TRPM3: variants seen among roughly 807,000 people sequenced by gnomAD.
TRPM3 encodes long transient receptor potential channel 3.
A neutral mutation model predicts 181.2 loss-of-function variants in TRPM3; 77 were observed. The observed-to-expected ratio is 0.42, with a 90% CI of 0.35 to 0.51. TRPM3 has a LOEUF of 0.51. Ranked by LOEUF, TRPM3 falls within the 20% of genes least tolerant of loss-of-function variation. TRPM3 has a pLI of 0.01. For missense variants in TRPM3, 1,759 were observed against 2,196.7 expected, an observed-to-expected ratio of 0.80 and a Z score of 3.98; for synonymous variants, 745 against 796.4, an observed-to-expected ratio of 0.94 and a Z score of 1.09.
intron 25 of TRPM3, among the ~76,000 whole-genome samples, chr9:70,543,064 G>A (rs1365353966): frequency 6.6e-6 from 1 of 152,034 alleles, no homozygotes; most frequent in Non-Finnish European, 1.5e-5. Flanking sequence ...TACGGTGGGA[G>A]GTGGATGAAG....
chr9:71,399,400 T>C (rs2131369246), intron 1 of TRPM3, among the ~76,000 whole-genome samples: 1 of 152,176 alleles, frequency 6.6e-6, no homozygotes, highest in African/African-American at 2.4e-5. Flanking sequence ...ACAGTGATTA[T>C]AGCTAAGTTA....
At chr9:70,822,548 G>T in intron 6 of TRPM3, among the ~76,000 whole-genome samples, 1 of 152,168 alleles carries the variant, frequency 6.6e-6, no homozygotes, top group Non-Finnish European at 1.5e-5. Context: ...GGGGGAGGGG[G>T]TAATGTGTAA....
At chr9:70,788,196 T>C (rs1247441080) in intron 6 of TRPM3, among the ~76,000 whole-genome samples, 6 of 120,446 alleles carry the variant, frequency 5.0e-5, no homozygotes, top group African/African-American at 1.3e-4. Context: ...CAGAGTGTGA[T>C]GTTCCCCTTC....
chr9:70,839,867 A>G (rs958626278), intron 5 of TRPM3, among the ~76,000 whole-genome samples: 1 of 152,154 alleles, frequency 6.6e-6, no homozygotes, highest in Admixed American at 6.6e-5. Context: ...CTAATGCTAA[A>G]AGGTTTATTT....
At chr9:70,551,670 G>A (rs1398623738) in intron 24 of TRPM3, among the ~76,000 whole-genome samples, 1 of 152,038 alleles carries the variant, frequency 6.6e-6, no homozygotes, top group African/African-American at 2.4e-5. Context: ...AATTATTTTG[G>A]GACTCTGAGC....
intron 1 of TRPM3, among the ~76,000 whole-genome samples, chr9:70,982,216 C>G (rs1342319160): frequency 6.6e-6 from 1 of 152,148 alleles, no homozygotes; most frequent in African/African-American, 2.4e-5. Flanking sequence ...TTACTGATAT[C>G]GTATAACAAT....
chr9:71,347,257 A>G (rs549850148), intron 1 of TRPM3, among the ~76,000 whole-genome samples: 1 of 152,346 alleles, frequency 6.6e-6, no homozygotes, highest in South Asian at 2.1e-4. Flanking sequence ...TACATGATAG[A>G]CATTCAGTTA....
At position 70,619,013 on chromosome 9, in the gene TRPM3, C is replaced by G. The variant is rs762472291; in HGVS notation, c.2212G>C (p.Glu738Gln). 3.7e-6 allele frequency: 6 copies of G among 1,614,212 alleles called. No individual in the cohort carries two copies. In the South Asian group the frequency reaches 6.6e-5, roughly 18 times the overall value. The stretch of plus-strand genomic sequence containing the variant: ...GTGGCGTTGCTCCAGTTCTTCAGCT[C>G]ATACGTCAGCAGTTTCATGGCCAGC... ...EQLAMKLLTYELKNWSNATCL... is the reference protein window; with the variant it reads ...EQLAMKLLTYQLKNWSNATCL... Residue 738 changes from glutamate to glutamine, a missense_variant, in exon 17 of 26, where the codon GAG (glutamate) becomes CAG (glutamine). By Grantham distance (29) the Glu-to-Gln change is conservative. This residue lies in a region of TRPM3 where 737 missense variants were observed against 957.4 expected (regional missense o/e 0.77). Coordinates refer to ENST00000677713, the MANE Select transcript of TRPM3 (RefSeq NM_001366145.2).
chr9:71,072,622 C>T (rs1378835861), intron 1 of TRPM3, among the ~76,000 whole-genome samples: 2 of 152,112 alleles, frequency 1.3e-5, no homozygotes, highest in Non-Finnish European at 2.9e-5. Context: ...CCGTCTGACT[C>T]CAGAGCTTGT....
chr9:70,692,956 T>G (rs1340559318), intron 8 of TRPM3, among the ~76,000 whole-genome samples: 1 of 152,334 alleles, frequency 6.6e-6, no homozygotes, highest in East Asian at 1.9e-4. Flanking sequence ...GGACCTATGA[T>G]TGACATATCT....
intron 19 of TRPM3, among the ~76,000 whole-genome samples, chr9:70,605,299 A>G (rs941033403): frequency 1.3e-5 from 2 of 152,112 alleles, no homozygotes; most frequent in Non-Finnish European, 2.9e-5. Flanking sequence ...CTGAGACCCC[A>G]TCACACTGAC....
intron 1 of TRPM3, among the ~76,000 whole-genome samples, chr9:70,911,430 A>C (rs932334530): frequency 2.0e-5 from 3 of 152,194 alleles, no homozygotes; most frequent in Non-Finnish European, 4.4e-5. Context: ...ATCATGCCTC[A>C]AATATGATCT....
chr9:70,820,924 T>C (rs1203446871), intron 6 of TRPM3, among the ~76,000 whole-genome samples: 2 of 152,154 alleles, frequency 1.3e-5, no homozygotes, highest in African/African-American at 4.8e-5. Flanking sequence ...AGTTATACTC[T>C]TCTCTTTAAA....
intron 1 of TRPM3, chr9:70,868,886 C>T: frequency 1.5e-6 from 1 of 674,302 alleles, no homozygotes; most frequent in Non-Finnish European, 1.8e-6. Flanking sequence ...TGCCCTTTCC[C>T]TCCAAGCCTC....
intron 8 of TRPM3, among the ~76,000 whole-genome samples, chr9:70,755,485 C>T (rs993203770): frequency 1.3e-5 from 2 of 151,942 alleles, no homozygotes; most frequent in Non-Finnish European, 2.9e-5. Context: ...ATTCTCCTGC[C>T]TCAGCCTCCT....
At chr9:71,269,557 G>A (rs528442718) in intron 1 of TRPM3, among the ~76,000 whole-genome samples, 2 of 152,334 alleles carry the variant, frequency 1.3e-5, no homozygotes, top group African/African-American at 4.8e-5. Context: ...ACTGGCCAGT[G>A]AGCTGGGAGA....
At chr9:71,103,326 C>A (rs924855524) in intron 1 of TRPM3, among the ~76,000 whole-genome samples, 2 of 152,078 alleles carry the variant, frequency 1.3e-5, no homozygotes, top group African/African-American at 2.4e-5. Flanking sequence ...GAAAGAGGAA[C>A]CTTAGAACAA....
chr9:71,169,690 C>T (rs1195210674), intron 1 of TRPM3, among the ~76,000 whole-genome samples: 1 of 151,946 alleles, frequency 6.6e-6, no homozygotes, highest in Non-Finnish European at 1.5e-5. Context: ...CACGGTGTCT[C>T]ACGCCTGTAA....
intron 1 of TRPM3, among the ~76,000 whole-genome samples, chr9:71,127,315 A>ACACACACACACACACACACACACC (rs755435076): frequency 2.3e-4 from 35 of 151,668 alleles, no homozygotes; most frequent in East Asian, 3.9e-4. Flanking sequence ...ACACACACAC[A>ACACACACACACACACACACACACC]CCCCTGAACT....
Sources: allele counts gnomAD v4.1 joint callset (sites outside exome capture counted in the v4.1 genomes callset), GRCh38; gene constraint gnomAD v4.1.1; regional missense constraint gnomAD v4.1.1; transcripts MANE v1.5; gene names NCBI Gene and HGNC (gene_info 2026-07-23, HGNC 2026-07-21).